Variants in TLE2 observed in about 807,000 individuals in gnomAD.
TLE2 encodes the protein TLE family member 2, transcriptional corepressor.
TLE2 carries 74 observed loss-of-function variants against 97.2 expected under a neutral mutation model. The observed-to-expected ratio is 0.76, with a 90% CI of 0.63 to 0.92. The LOEUF is 0.92. Among genes scored for constraint, TLE2 ranks in the 40% least tolerant of loss-of-function variants. The pLI is 0.00. For missense variants in TLE2, 1,038 were observed against 1,008.7 expected (o/e 1.03, Z -0.39); for synonymous variants, 499 against 432.1 (o/e 1.15, Z -1.92).
At chr19:3,013,442 A>G (rs1300420183) in intron 11 of TLE2, among the ~76,000 whole-genome samples, 1 of 151,976 alleles carries the variant, frequency 6.6e-6, no homozygotes, top group Non-Finnish European at 1.5e-5. Context: ...TTGCCTTTTA[A>G]AATTTATCTA....
intron 14 of TLE2, 48 bp downstream of exon 14, chr19:3,008,821 G>A (rs1450474080): frequency 6.9e-7 from 1 of 1,450,304 alleles, no homozygotes; most frequent in Admixed American, 2.3e-5. Context: ...AGAGGAGGTG[G>A]GGGGCTGGCC....
upstream of TLE2, among the ~76,000 whole-genome samples, chr19:3,029,350 CCACCCCCGCGCA>C (rs985661098): frequency 6.9e-5 from 10 of 144,656 alleles, no homozygotes; most frequent in African/African-American, 2.5e-4. Context: ...CGCCCCGCGC[CCACCCCCGCGCA>C]CCGCCCCTCC....
chr19:3,014,679 T>A, intron 9 of TLE2, 65 bp from the exon 10 acceptor site: 1 of 1,428,472 alleles, frequency 7.0e-7, no homozygotes. Context: ...CCCTATCCGC[T>A]CCTCAGGAGT....
intron 1 of TLE2, among the ~76,000 whole-genome samples, chr19:3,034,736 G>A (rs1051000809): frequency 6.6e-6 from 1 of 151,962 alleles, no homozygotes; most frequent in Non-Finnish European, 1.5e-5. Flanking sequence ...CTTGGTGTTG[G>A]TGGATAAATG....
At chr19:3,022,783 T>C (rs2089870320) in intron 5 of TLE2, among the ~76,000 whole-genome samples, 3 of 151,878 alleles carry the variant, frequency 2.0e-5, no homozygotes, top group Admixed American at 2.0e-4. Context: ...TGTGTGGGTG[T>C]GTGTAGGATG....
At chr19:3,005,415 T>TC in intron 17 of TLE2, 22 bp downstream of exon 17, 1 of 1,611,850 alleles carries the variant, frequency 6.2e-7, no homozygotes, top group Non-Finnish European at 8.5e-7. Flanking sequence ...TCCATCCCCC[T>TC]CCTGCCAGAA....
At chr19:3,014,958 TAA>T (rs1361730841) in intron 9 of TLE2, among the ~76,000 whole-genome samples, 3 of 143,398 alleles carry the variant, frequency 2.1e-5, no homozygotes, top group East Asian at 2.0e-4. Context: ...ACCGCCTTCA[TAA>T]AGACTCCGCC....
rs369450088 is a variant in TLE2, at chr19:3,028,376, C to G, written c.129G>C (p.Lys43Asn). 3 of 1,606,206 alleles carry G rather than the reference C, an allele frequency of 1.9e-6. No homozygotes were observed. Among genetic ancestry groups the G allele is most frequent in the Non-Finnish European group, 2.6e-6 (3 of 1,176,028 alleles). ...QFLQAQYHSL[K>N]LECEKLASEK... ...CGCTGGCCAGCTTCTCACATTCTAG[C>G]TTGAGGCTGAGAAGAAGAGAGAGGG... Residue 43 changes from lysine to asparagine, a missense_variant, in exon 3 of 20, where the codon AAG becomes AAC. By Grantham distance (94) the Lys-to-Asn change is moderately conservative (BLOSUM62 0). Coordinates refer to ENST00000262953, the MANE Select transcript of TLE2 (RefSeq NM_003260.5).
chr19:3,000,495 A>G (rs1355110990), intron 19 of TLE2, among the ~76,000 whole-genome samples, 152 bp downstream of exon 19: 1 of 151,524 alleles, frequency 6.6e-6, no homozygotes, highest in Non-Finnish European at 1.5e-5. Flanking sequence ...CTGCTTTAGT[A>G]CCTGGGCGGT....
At chr19:3,025,283 A>C in intron 4 of TLE2, 1 of 1,174,534 alleles carries the variant, frequency 8.5e-7, no homozygotes, top group Non-Finnish European at 1.1e-6. Flanking sequence ...CAGCTGAGCG[A>C]GGCCCAGGGT....
At chr19:3,000,532 G>A in intron 19 of TLE2, 115 bp downstream of exon 19, 1 of 893,538 alleles carries the variant, frequency 1.1e-6, no homozygotes, top group South Asian at 1.6e-5. Context: ...CCCTGAGGAG[G>A]GGTTAGGGTG....
rs550643276 is a variant in TLE2 at position 3,018,838 on chromosome 19, G to A, written c.550+445C>T. Among the ~76,000 whole-genome samples, 1,126 of 147,774 alleles carry A rather than the reference G, an allele frequency of 7.6e-3. 12 individuals carry two copies. The highest frequency in any genetic ancestry group is 0.028 in the South Asian group (129 of 4,642). ...TTCCCATGTTGGCCAGGCTGCTCTCGAACTCCTGGCCTCAGGTGATCCAGC... is the reference window on the plus strand; with the variant it reads ...TTCCCATGTTGGCCAGGCTGCTCTCAAACTCCTGGCCTCAGGTGATCCAGC... On this transcript the variant is annotated intron_variant, in intron 7 of 19. Coordinates refer to ENST00000262953, the MANE Select transcript of TLE2 (RefSeq NM_003260.5).
chr19:3,025,035 G>T lies in TLE2; in HGVS notation c.279C>A (p.Pro93=). The T allele has an allele frequency of 4.4e-6, 7 of 1,602,734 alleles. No individual in the cohort carries two copies. Among genetic ancestry groups the T allele is most frequent in the Non-Finnish European group, 6.0e-6 (7 of 1,174,988 alleles). Residue 93 remains proline (P), a synonymous_variant, in exon 5 of 20, where the codon CCC becomes CCA. Coordinates refer to ENST00000262953, the MANE Select transcript of TLE2 (RefSeq NM_003260.5). ...GCCCACTCACCTCCTGGGTCAGGAA[G>T]GGGATAATCTGAGCGCAGATACCGC... ...RLSGICAQII[P]FLTQEHQQQV... is the part of the protein sequence containing the mutation.
At chr19:3,026,632 TGAACCCTGTCTATCTCA>T (rs2089949947) in intron 4 of TLE2, among the ~76,000 whole-genome samples, 1 of 112,778 alleles carries the variant, frequency 8.9e-6, no homozygotes, top group African/African-American at 4.5e-5. Flanking sequence ...GGTCTATCTC[TGAACCCTGTCTATCTCA>T]GAACCCTGAG....
intron 16 of TLE2, 59 bp downstream of exon 16, chr19:3,005,662 C>T (rs868048027): frequency 6.2e-6 from 10 of 1,606,532 alleles, no homozygotes; most frequent in Middle Eastern, 3.3e-4. Flanking sequence ...CTCCTCCACT[C>T]CCCCTGCACC....
chr19:3,012,046 A>G (rs1047825558), intron 11 of TLE2, among the ~76,000 whole-genome samples: 2 of 152,188 alleles, frequency 1.3e-5, no homozygotes, highest in Admixed American at 1.3e-4. Context: ...GGAGATCTAG[A>G]CCATCCTGGC....
At chr19:3,013,634 T>A (rs2089641321) in intron 11 of TLE2, 35 bp downstream of exon 11, 12 of 1,343,784 alleles carry the variant, frequency 8.9e-6, no homozygotes, top group Non-Finnish European at 1.1e-5. Context: ...CCGGGATGAA[T>A]AAAGTGAGTT....
At chr19:3,035,488 C>T (rs1166014013) in intron 1 of TLE2, among the ~76,000 whole-genome samples, 2 of 151,954 alleles carry the variant, frequency 1.3e-5, no homozygotes, top group Non-Finnish European at 2.9e-5. Context: ...AGAGGCTCAG[C>T]CCCTGGTTCC....
intron 1 of TLE2, 31 bp downstream of exon 1, chr19:3,028,850 T>TG (rs781414811): frequency 6.2e-7 from 1 of 1,610,916 alleles, no homozygotes; most frequent in African/African-American, 1.3e-5. Flanking sequence ...TCCCGGACAC[T>TG]GGGGGCCCCC....
Sources: allele counts gnomAD v4.1 joint callset (sites outside exome capture counted in the v4.1 genomes callset), GRCh38; gene constraint gnomAD v4.1.1; transcripts MANE v1.5; gene names NCBI Gene and HGNC (gene_info 2026-07-23, HGNC 2026-07-21).